SLAMF6: variants seen among roughly 807,000 people sequenced by gnomAD.
SLAMF6 encodes the protein SLAM family member 6.
SLAMF6 carries 21 observed loss-of-function variants against 38.3 expected under a neutral mutation model. The ratio of observed to expected loss-of-function variants is 0.55; its 90% CI spans 0.39 to 0.79. The LOEUF is 0.79. Ranked by LOEUF, SLAMF6 falls within the 30% of genes least tolerant of loss-of-function variation. The pLI, the probability that SLAMF6 is intolerant of heterozygous loss-of-function variation, is 0.00. For missense variants in SLAMF6, 341 were observed against 385.3 expected, an observed-to-expected ratio of 0.89 and a Z score of 0.96; for synonymous variants, 152 against 146.3, an observed-to-expected ratio of 1.04 and a Z score of -0.28.
intron 1 of SLAMF6, among the ~76,000 whole-genome samples, chr1:160,500,702 T>C (rs934996933): frequency 2.6e-5 from 4 of 152,210 alleles, no homozygotes; most frequent in Non-Finnish European, 5.9e-5. Context: ...TTTTGTCTAC[T>C]ATTGTGAACA....
intron 3 of SLAMF6, 155 bp from the exon 4 acceptor site, chr1:160,490,840 G>T (rs1653250630): frequency 2.8e-6 from 2 of 721,992 alleles, no homozygotes; most frequent in Admixed American, 6.3e-5. Context: ...GTGGCAGGCA[G>T]GGGAGGGTGG....
rs370274267 is a variant in SLAMF6 at position 160,490,564 on chromosome 1, A to G, written c.757+11T>C. The G allele has an allele frequency of 1.3e-5, 21 of 1,609,890 alleles. No homozygotes were observed. In the African/African-American group the frequency reaches 2.8e-4, roughly 22 times the overall value. ...TTGGAGAAGAGACAAGTAGGAAGAA[A>G]GGAAACCTGCCTCTTCTTTTCCTCA... On this transcript the variant is annotated intron_variant, in intron 4 of 7. Transcript: ENST00000368057.
At chr1:160,513,683 C>T (rs1319694673) in intron 1 of SLAMF6, among the ~76,000 whole-genome samples, 1 of 152,124 alleles carries the variant, frequency 6.6e-6, no homozygotes, top group Non-Finnish European at 1.5e-5. Flanking sequence ...ACTTTACAAG[C>T]CAGAAGAGAT....
intron 1 of SLAMF6, among the ~76,000 whole-genome samples, chr1:160,496,858 C>A (rs932636403): frequency 7.2e-5 from 11 of 152,182 alleles, no homozygotes; most frequent in African/African-American, 2.4e-4. Context: ...AGGCTGGTAA[C>A]AGGGACTAAT....
chr1:160,501,765 T>C (rs1479988639), intron 1 of SLAMF6, among the ~76,000 whole-genome samples: 1 of 151,492 alleles, frequency 6.6e-6, no homozygotes, highest in Admixed American at 6.6e-5. Context: ...TCCTACATGG[T>C]AAGCTCCTAT....
rs1299028342 is a variant in SLAMF6, at chr1:160,496,387, A to G, written c.56T>C (p.Val19Ala). 3.1e-6 allele frequency: 5 copies of G among 1,612,436 alleles called. No homozygotes were observed. Among genetic ancestry groups the G allele is most frequent in the Non-Finnish European group, 4.2e-6 (5 of 1,178,856 alleles). The change falls in exon 2 of 8, where the codon GTA (valine) becomes GCA (alanine). Residue 19 changes from valine to alanine, a missense_variant. Coordinates refer to ENST00000368057, the MANE Select transcript of SLAMF6 (RefSeq NM_001184714.2). ...LFVFCFGPGNVVSQSSLTPLM... is the reference protein window; with the variant it reads ...LFVFCFGPGNAVSQSSLTPLM... ...TGGGGTTAAGCTGCTTTGTGAAACT[A>G]CATTCCCTGTAAACACAGAAGGAAA...
Position 160,491,197 on chromosome 1 carries a change from C to T in SLAMF6, c.574G>A (p.Asp192Asn). The change falls in exon 3 of 8, where the codon GAC becomes AAC. Residue 192 changes from aspartate (D) to asparagine (N), a missense_variant. Transcript: ENST00000368057. Reference protein sequence around the residue: ...SWDPRISSEQDYTCIAENAVS... With the variant: ...SWDPRISSEQNYTCIAENAVS... Reference sequence around the variant, plus strand: ...GCATTCTCTGCTATGCAGGTGTAGTCCTGTTCACTGGAAATCCTGGGGTCC... The same window carrying T: ...GCATTCTCTGCTATGCAGGTGTAGTTCTGTTCACTGGAAATCCTGGGGTCC... 1 of 1,613,990 alleles carries T rather than the reference C, an allele frequency of 6.2e-7. No individual in the cohort carries two copies. Among genetic ancestry groups the T allele is most frequent in the Non-Finnish European group, 8.5e-7 (1 of 1,179,960 alleles).
At chr1:160,508,193 A>G (rs186878207) in intron 1 of SLAMF6, among the ~76,000 whole-genome samples, 35 of 152,332 alleles carry the variant, frequency 2.3e-4, no homozygotes, top group Admixed American at 3.9e-4. Flanking sequence ...AAGAGCCCAC[A>G]TTGCCAAGAC....
chr1:160,501,012 G>A (rs1653859405), intron 1 of SLAMF6, among the ~76,000 whole-genome samples: 1 of 152,238 alleles, frequency 6.6e-6, no homozygotes, highest in South Asian at 2.1e-4. Flanking sequence ...CTAAGGCAGA[G>A]TGGTAGCCTG....
intron 4 of SLAMF6, 51 bp from the exon 5 acceptor site, chr1:160,490,287 A>G: frequency 6.2e-7 from 1 of 1,611,680 alleles, no homozygotes; most frequent in Non-Finnish European, 8.5e-7. Flanking sequence ...TGGGAGAGGC[A>G]TTTCACCCCT....
intron 6 of SLAMF6, among the ~76,000 whole-genome samples, chr1:160,488,231 A>G (rs1653076209): frequency 6.6e-6 from 1 of 151,904 alleles, no homozygotes. Context: ...TTGATTTGTC[A>G]GAGTGTGAGT....
chr1:160,507,583 T>G (rs1006368347), intron 1 of SLAMF6, among the ~76,000 whole-genome samples: 3 of 152,044 alleles, frequency 2.0e-5, no homozygotes, highest in Non-Finnish European at 2.9e-5. Flanking sequence ...CACAACAAAA[T>G]ATACATTTTC....
intron 2 of SLAMF6, among the ~76,000 whole-genome samples, chr1:160,494,819 A>G (rs988368816): frequency 3.4e-4 from 51 of 152,114 alleles, no homozygotes; most frequent in African/African-American, 1.1e-3. Flanking sequence ...CCCTGCCCAC[A>G]CTGTGATTTT....
In SLAMF6 at chr1:160,486,570, C is replaced by T; in HGVS notation, c.*137G>A. The T allele has an allele frequency of 1.2e-6, 1 of 830,660 alleles. No individual in the cohort carries two copies. Among genetic ancestry groups the T allele is most frequent in the Non-Finnish European group, 1.9e-6 (1 of 513,110 alleles). 51.5% of individuals were successfully genotyped at this position (830,660 alleles called of 1,614,324 possible). On this transcript the variant is annotated 3_prime_UTR_variant, in exon 8 of 8. Coordinates refer to ENST00000368057, the MANE Select transcript of SLAMF6 (RefSeq NM_001184714.2). ...GGTAGGCAGGTTTAAGTCCGAAGGA[C>T]TGGAGGTGATCATCCTATCCTAGAT...
At chr1:160,510,864 G>C (rs982481358) in intron 1 of SLAMF6, among the ~76,000 whole-genome samples, 3 of 152,100 alleles carry the variant, frequency 2.0e-5, no homozygotes, top group East Asian at 1.9e-4. Context: ...AATGATCAGA[G>C]CTAATAAATA....
At chr1:160,503,011 A>C (rs1282459557) in intron 1 of SLAMF6, among the ~76,000 whole-genome samples, 2 of 152,206 alleles carry the variant, frequency 1.3e-5, no homozygotes, top group African/African-American at 4.8e-5. Context: ...GGGAGTATTC[A>C]AAACGGTGTC....
At chr1:160,496,801 C>G (rs967288505) in intron 1 of SLAMF6, among the ~76,000 whole-genome samples, 1 of 152,156 alleles carries the variant, frequency 6.6e-6, no homozygotes, top group African/African-American at 2.4e-5. Context: ...CTGATATTTA[C>G]TGATTACTTA....
intron 2 of SLAMF6, among the ~76,000 whole-genome samples, chr1:160,492,866 T>G (rs746439775): frequency 1.3e-5 from 2 of 152,166 alleles, no homozygotes; most frequent in Non-Finnish European, 2.9e-5. Context: ...CTTCAACATA[T>G]GTCCAAAATG....
At chr1:160,489,668 C>T (rs1436844020) in intron 5 of SLAMF6, among the ~76,000 whole-genome samples, 1 of 152,182 alleles carries the variant, frequency 6.6e-6, no homozygotes, top group African/African-American at 2.4e-5. Flanking sequence ...AAATGCACGT[C>T]TTCTGACTTC....
Sources: gnomAD v4.1 joint callset for allele counts (sites outside exome capture counted in the v4.1 genomes callset) on GRCh38, gnomAD v4.1.1 for gene constraint, MANE v1.5 for transcripts, NCBI Gene and HGNC (gene_info 2026-07-23, HGNC 2026-07-21) for gene names.